The following RYR2 variants were observed in gnomAD, a reference collection of about 807,000 sequenced individuals.
RYR2 encodes the protein ryanodine receptor 2.
A neutral mutation model predicts 601.1 loss-of-function variants in RYR2; 227 were observed. The observed-to-expected ratio is 0.38, with a 90% confidence interval of 0.34 to 0.42. RYR2 has a LOEUF of 0.42. Ranked by LOEUF, RYR2 falls within the 10% of genes least tolerant of loss-of-function variation. The pLI, the probability that RYR2 is intolerant of heterozygous loss-of-function variation, is 1.00. For synonymous variants in RYR2, 2,223 were observed against 2,175.1 expected (o/e 1.02, Z -0.61); for missense variants, 4,646 against 6,156.5 (o/e 0.75, Z 8.21).
intron 1 of RYR2, among the ~76,000 whole-genome samples, chr1:237,059,046 G>A (rs1662528376): frequency 1.3e-5 from 2 of 152,022 alleles, no homozygotes; most frequent in Admixed American, 1.3e-4. Flanking sequence ...GCTCTGGACA[G>A]GCCTAAAACA....
intron 2 of RYR2, among the ~76,000 whole-genome samples, chr1:237,321,555 G>A (rs977019611): frequency 6.6e-6 from 1 of 152,186 alleles, no homozygotes. Context: ...AGTGATAACA[G>A]ACCAGTACAC....
intron 35 of RYR2, among the ~76,000 whole-genome samples, chr1:237,609,906 C>T (rs1260222717): frequency 6.6e-6 from 1 of 151,736 alleles, no homozygotes; most frequent in African/African-American, 2.4e-5. Flanking sequence ...TATTCATTAG[C>T]ATATCATCAG....
At position 237,388,088 on chromosome 1, in the gene RYR2, G is replaced by A. The variant is rs1195995473; in HGVS notation, c.678G>A (p.Gly226=). ...PISSGSEAAQ[G]YLIGGDVLRL... ...CTGAATGATTTTTTATCCTTACAGG[G>A]TATCTCATTGGTGGTGATGTCCTCA... Residue 226 remains glycine, a splice_region_variant and synonymous_variant, in exon 10 of 105, where the codon GGG becomes GGA. Coordinates refer to ENST00000366574, the MANE Select transcript of RYR2 (RefSeq NM_001035.3). 1.9e-6 allele frequency: 3 copies of A among 1,613,342 alleles called. No individual in the cohort carries two copies. The highest frequency in any genetic ancestry group is 1.1e-5 in the South Asian group (1 of 90,960).
intron 10 of RYR2, among the ~76,000 whole-genome samples, chr1:237,389,829 G>A (rs963084728): frequency 4.6e-5 from 7 of 152,094 alleles, no homozygotes; most frequent in African/African-American, 1.4e-4. Context: ...ACAAAACTTG[G>A]GATGGGTGCA....
At chr1:237,045,701 T>G (rs1384296525) in intron 1 of RYR2, among the ~76,000 whole-genome samples, 1 of 152,134 alleles carries the variant, frequency 6.6e-6, no homozygotes, top group Non-Finnish European at 1.5e-5. Flanking sequence ...TTTTAAAGAT[T>G]TTATTAACTT....
rs1321291963 is a variant in RYR2 at position 237,827,755 on chromosome 1, G to A, written c.14591-626G>A. On this transcript the variant is annotated intron_variant, in intron 101 of 104. Transcript: ENST00000366574. ...AGATCGAGACCATCCTGGCTAACAC[G>A]GTGAAACCCTGTCTCTCCTAAAAAT... is the stretch of plus-strand genomic sequence containing the variant. 2.6e-5 allele frequency among the ~76,000 whole-genome samples: 4 copies of A among 151,610 alleles called. 1 individual carries two copies. The highest frequency in any genetic ancestry group is 4.2e-4 in the South Asian group (2 of 4,818).
chr1:237,538,360 A>C (rs1480261015), intron 25 of RYR2, among the ~76,000 whole-genome samples: 1 of 127,128 alleles, frequency 7.9e-6, no homozygotes, highest in African/African-American at 3.0e-5. Flanking sequence ...GTGCCACTGC[A>C]CTCCAGCCTG....
At chr1:237,598,680 T>G (rs1264794393) in intron 34 of RYR2, among the ~76,000 whole-genome samples, 1 of 152,144 alleles carries the variant, frequency 6.6e-6, no homozygotes, top group African/African-American at 2.4e-5. Context: ...GAGGGAAGTT[T>G]ACAGTATTAA....
intron 54 of RYR2, 67 bp from the exon 55 acceptor site, chr1:237,659,918 C>A: frequency 2.0e-6 from 2 of 1,010,276 alleles, no homozygotes; most frequent in South Asian, 3.3e-5. Context: ...CACTTAAACA[C>A]CTGCATATCT....
intron 91 of RYR2, among the ~76,000 whole-genome samples, chr1:237,786,638 C>T (rs772095622): frequency 1.4e-4 from 22 of 152,162 alleles, no homozygotes; most frequent in Non-Finnish European, 2.1e-4. Flanking sequence ...GGATGTGAGG[C>T]GATGAAAATG....
intron 2 of RYR2, among the ~76,000 whole-genome samples, chr1:237,280,656 G>C (rs188039461): frequency 1.3e-5 from 2 of 152,160 alleles, no homozygotes; most frequent in South Asian, 2.1e-4. Context: ...ACAGAGTTCC[G>C]ATAGAACAGA....
chr1:237,493,559 T>C (rs972332722), intron 19 of RYR2, among the ~76,000 whole-genome samples: 4 of 152,144 alleles, frequency 2.6e-5, no homozygotes, highest in Non-Finnish European at 5.9e-5. Context: ...TTCAGGCCAT[T>C]GTCCTGCCTC....
At chr1:237,599,635 A>G (rs1573040627) in intron 34 of RYR2, among the ~76,000 whole-genome samples, 1 of 152,016 alleles carries the variant, frequency 6.6e-6, no homozygotes, top group Non-Finnish European at 1.5e-5. Context: ...AGCCTGGCCA[A>G]AATGGTGAAA....
intron 80 of RYR2, among the ~76,000 whole-genome samples, chr1:237,746,642 C>G (rs1692103676): frequency 6.6e-6 from 1 of 151,998 alleles, no homozygotes; most frequent in Non-Finnish European, 1.5e-5. Context: ...AATATGCTTT[C>G]CTGTAACTAC....
At chr1:237,252,967 C>A (rs1417678970) in intron 1 of RYR2, among the ~76,000 whole-genome samples, 5 of 151,970 alleles carry the variant, frequency 3.3e-5, no homozygotes, top group African/African-American at 1.2e-4. Flanking sequence ...GAGTTCGAGA[C>A]CAGCCTGGCC....
intron 71 of RYR2, 137 bp downstream of exon 71, chr1:237,711,974 A>G: frequency 1.6e-6 from 1 of 613,448 alleles, no homozygotes; most frequent in Non-Finnish European, 2.9e-6. Flanking sequence ...TGGTTCAAAT[A>G]TGCAAGCTGT....
At chr1:237,513,669 C>T (rs1666136325) in intron 24 of RYR2, among the ~76,000 whole-genome samples, 2 of 152,190 alleles carry the variant, frequency 1.3e-5, no homozygotes, top group African/African-American at 4.8e-5. Flanking sequence ...AAATACTTAC[C>T]ATTGTGTTAC....
At chr1:237,393,236 A>G (rs983775357) in intron 10 of RYR2, among the ~76,000 whole-genome samples, 11 of 152,182 alleles carry the variant, frequency 7.2e-5, no homozygotes, top group Admixed American at 5.2e-4. Context: ...AGGCCAATTA[A>G]GTCATAGTTT....
At chr1:237,627,776 C>T (rs751729267) in intron 40 of RYR2, 31 bp from the exon 41 acceptor site, 1 of 1,534,352 alleles carries the variant, frequency 6.5e-7, no homozygotes, top group Non-Finnish European at 8.8e-7. Flanking sequence ...TCTTATTTTT[C>T]TTTTAAAAAA....
Sources: gnomAD v4.1 joint callset for allele counts (sites outside exome capture counted in the v4.1 genomes callset) on GRCh38, gnomAD v4.1.1 for gene constraint, MANE v1.5 for transcripts, NCBI Gene and HGNC (gene_info 2026-07-23, HGNC 2026-07-21) for gene names.